IKZF3: variants seen among roughly 807,000 people sequenced by gnomAD.
The protein encoded by IKZF3 is IKAROS family zinc finger 3, also known as zinc finger protein Aiolos.
IKZF3 carries 10 observed loss-of-function variants against 49.0 expected under a neutral mutation model. That is an observed-to-expected ratio of 0.20 (90% CI 0.13 to 0.35). IKZF3 has a LOEUF of 0.35. Ranked by LOEUF, IKZF3 falls within the 10% of genes least tolerant of loss-of-function variation. The probability of loss-of-function intolerance (pLI) is 1.00; values close to 1 mark genes in which losing one functional copy is unlikely to be tolerated. For missense variants in IKZF3, 498 were observed against 664.8 expected (o/e 0.75, Z 2.76); for synonymous variants, 209 against 228.2 (o/e 0.92, Z 0.76).
At chr17:39,819,060 G>C (rs560111628) in intron 3 of IKZF3, among the ~76,000 whole-genome samples, 43 of 152,256 alleles carry the variant, frequency 2.8e-4, no homozygotes, top group African/African-American at 1.0e-3. Flanking sequence ...CATGTAGTTG[G>C]AGGTAAGGCG....
At chr17:39,863,972 C>T (rs2063292357) in intron 1 of IKZF3, 148 bp downstream of exon 1, 1 of 1,052,962 alleles carries the variant, frequency 9.5e-7, no homozygotes, top group Non-Finnish European at 1.5e-6. Flanking sequence ...AGAACCGACG[C>T]GCTTTGTCCT....
intron 3 of IKZF3, among the ~76,000 whole-genome samples, chr17:39,819,429 C>T (rs955264759): frequency 2.6e-5 from 4 of 152,094 alleles, no homozygotes; most frequent in African/African-American, 9.7e-5. Context: ...ATGGATGTCA[C>T]CTTCAAGAAG....
chr17:39,849,715 G>A (rs2062742842), intron 1 of IKZF3, among the ~76,000 whole-genome samples: 1 of 151,932 alleles, frequency 6.6e-6, no homozygotes, highest in Non-Finnish European at 1.5e-5. Context: ...AGACGCTTCA[G>A]GAAAGAGGAT....
chr17:39,848,793 C>T (rs1225702610), intron 1 of IKZF3, among the ~76,000 whole-genome samples: 1 of 152,140 alleles, frequency 6.6e-6, no homozygotes, highest in East Asian at 1.9e-4. Context: ...AATCTGCCCA[C>T]CTCAGCTTCC....
At chr17:39,842,841 G>A (rs188486800) in intron 1 of IKZF3, among the ~76,000 whole-genome samples, 4 of 152,270 alleles carry the variant, frequency 2.6e-5, no homozygotes, top group South Asian at 2.1e-4. Flanking sequence ...AAGCCTGTTC[G>A]ATATCACTGT....
chr17:39,836,801 T>C (rs2062298476), intron 1 of IKZF3, among the ~76,000 whole-genome samples: 1 of 152,248 alleles, frequency 6.6e-6, no homozygotes, highest in South Asian at 2.1e-4. Context: ...TTGTCATATG[T>C]ATCACATCTG....
At chr17:39,810,629 A>C (rs559735929) in intron 3 of IKZF3, among the ~76,000 whole-genome samples, 137 of 152,066 alleles carry the variant, frequency 9.0e-4, no homozygotes, top group African/African-American at 3.0e-3. Flanking sequence ...AAAAAAAAAA[A>C]AAAACCCAAT....
intron 1 of IKZF3, among the ~76,000 whole-genome samples, chr17:39,863,456 A>G (rs2063270875): frequency 6.6e-6 from 1 of 152,182 alleles, no homozygotes; most frequent in Non-Finnish European, 1.5e-5. Flanking sequence ...TCAAGGTTTT[A>G]GAAACACTTG....
intron 3 of IKZF3, among the ~76,000 whole-genome samples, chr17:39,795,730 C>G (rs1280078208): frequency 6.6e-6 from 1 of 151,064 alleles, no homozygotes; most frequent in Non-Finnish European, 1.5e-5. Flanking sequence ...TTCTAATATT[C>G]AACTCTGTTA....
intron 3 of IKZF3, among the ~76,000 whole-genome samples, chr17:39,817,638 A>G (rs1445520896): frequency 1.3e-5 from 2 of 152,184 alleles, no homozygotes; most frequent in African/African-American, 4.8e-5. Context: ...TGTGCTGCAT[A>G]TGGCAGTGGT....
At chr17:39,789,643 G>A (rs528456507) in intron 5 of IKZF3, among the ~76,000 whole-genome samples, 3 of 152,104 alleles carry the variant, frequency 2.0e-5, no homozygotes, top group South Asian at 4.2e-4. Context: ...CAGGAGAATC[G>A]CTTGAACCTG....
chr17:39,814,163 G>C (rs1008379127), intron 3 of IKZF3, among the ~76,000 whole-genome samples: 1 of 152,098 alleles, frequency 6.6e-6, no homozygotes, highest in African/African-American at 2.4e-5. Flanking sequence ...TCTCCTAAGG[G>C]GAAGAAGAAT....
At chr17:39,862,968 G>A (rs565928214) in intron 1 of IKZF3, among the ~76,000 whole-genome samples, 1 of 152,054 alleles carries the variant, frequency 6.6e-6, no homozygotes, top group Admixed American at 6.5e-5. Context: ...GTATGGTTAC[G>A]GCTAGGAAAA....
rs35417771 is a variant in IKZF3, at chr17:39,808,753, T to C, written c.164-15820A>G. Reference sequence around the variant, plus strand: ...CAGTCTGAGAGAGAGAGAGAACTAGTACAACCTGAAGGACTAGAACCGGAA... The same window carrying C: ...CAGTCTGAGAGAGAGAGAGAACTAGCACAACCTGAAGGACTAGAACCGGAA... On this transcript the variant is annotated intron_variant, in intron 3 of 7. Transcript: ENST00000346872. Among the ~76,000 whole-genome samples, 888 of 152,310 alleles carry C rather than the reference T, an allele frequency of 5.8e-3. 13 individuals are homozygous for C. Among genetic ancestry groups the C allele is most frequent in the African/African-American group, 0.02 (851 of 41,554 alleles).
intron 1 of IKZF3, among the ~76,000 whole-genome samples, chr17:39,855,535 A>G (rs2063013882): frequency 6.6e-6 from 1 of 152,320 alleles, no homozygotes; most frequent in South Asian, 2.1e-4. Flanking sequence ...TTTGCAATGG[A>G]TATCTATAGA....
chr17:39,780,415 G>C (rs1046041233), intron 6 of IKZF3, among the ~76,000 whole-genome samples: 4 of 152,040 alleles, frequency 2.6e-5, no homozygotes, highest in African/African-American at 7.2e-5. Context: ...CCAGGGTGGA[G>C]TGCAGTGGCA....
At chr17:39,775,415 C>CA (rs2060553660) in intron 7 of IKZF3, among the ~76,000 whole-genome samples, 1 of 152,138 alleles carries the variant, frequency 6.6e-6, no homozygotes. Context: ...TTGTAGCAAA[C>CA]AAACGAAATA....
intron 1 of IKZF3, among the ~76,000 whole-genome samples, chr17:39,851,426 T>C (rs1030419015): frequency 7.2e-5 from 11 of 152,136 alleles, no homozygotes; most frequent in African/African-American, 2.4e-4. Flanking sequence ...AAACAATCAA[T>C]TGTCCATCAA....
intron 1 of IKZF3, among the ~76,000 whole-genome samples, chr17:39,859,917 C>T (rs7220943): frequency 0.027 from 4,070 of 152,192 alleles, 191 homozygotes; most frequent in African/African-American, 0.094. Flanking sequence ...TATAGCTTGA[C>T]ATATGAGCCA....
Sources: gnomAD v4.1 joint callset for allele counts (sites outside exome capture counted in the v4.1 genomes callset) on GRCh38, gnomAD v4.1.1 for gene constraint, MANE v1.5 for transcripts, NCBI Gene and HGNC (gene_info 2026-07-23, HGNC 2026-07-21) for gene names.